Variants in FLNB observed in about 807,000 individuals in gnomAD.
The protein encoded by FLNB is filamin-B.
In FLNB, 111 loss-of-function variants were observed where a neutral mutation model predicts 250.6. The ratio of observed to expected loss-of-function variants is 0.44; its 90% CI spans 0.38 to 0.52. FLNB has a LOEUF of 0.52. Ranked by LOEUF, FLNB falls within the 20% of genes least tolerant of loss-of-function variation. The pLI is 0.00. For missense variants in FLNB, 2,869 were observed against 3,447.8 expected (o/e 0.83, Z 4.20); for synonymous variants, 1,302 against 1,372.1 (o/e 0.95, Z 1.13).
At chr3:58,155,182 TCCA>T (rs2107294549) in intron 40 of FLNB, among the ~76,000 whole-genome samples, 1 of 152,354 alleles carries the variant, frequency 6.6e-6, no homozygotes, top group African/African-American at 2.4e-5. Flanking sequence ...CTCCATTCTT[TCCA>T]CCAACCAGCC....
In FLNB at chr3:58,110,032, G is replaced by C. The variant is rs778522254; in HGVS notation, c.2346G>C (p.Lys782Asn). ...AGEGDVSVGIKCDARVLSEDE... is the reference protein window; with the variant it reads ...AGEGDVSVGINCDARVLSEDE... Reference sequence around the variant, plus strand: ...CAGGTGATGTCAGTGTTGGCATTAAGTGTGATGCCCGGGTGTTAAGTGAAG... The same window carrying C: ...CAGGTGATGTCAGTGTTGGCATTAACTGTGATGCCCGGGTGTTAAGTGAAG... Residue 782 changes from lysine to asparagine, a missense_variant, in exon 16 of 46, where the codon AAG (lysine) becomes AAC (asparagine). This residue lies in a region of FLNB where 1,348 missense variants were observed against 1,466.7 expected (regional missense o/e 0.92). Coordinates refer to ENST00000295956, the MANE Select transcript of FLNB (RefSeq NM_001457.4). The C allele has an allele frequency of 1.1e-5, 18 of 1,614,076 alleles. No individual in the cohort carries two copies. Among genetic ancestry groups the C allele is most frequent in the Non-Finnish European group, 1.5e-5 (18 of 1,180,024 alleles).
At chr3:58,061,690 G>C (rs1431891214) in intron 1 of FLNB, among the ~76,000 whole-genome samples, 1 of 150,534 alleles carries the variant, frequency 6.6e-6, no homozygotes, top group African/African-American at 2.5e-5. Context: ...AGTGAGCCGT[G>C]ATTGCACCAC....
At chr3:58,056,097 ATTTATTTATTTT>A (rs1398730985) in intron 1 of FLNB, among the ~76,000 whole-genome samples, 51 of 131,518 alleles carry the variant, frequency 3.9e-4, no homozygotes, top group South Asian at 8.7e-4. Flanking sequence ...TTATTTATTT[ATTTATTTATTTT>A]TTTTTTTTTT....
intron 32 of FLNB, 137 bp from the exon 33 acceptor site, chr3:58,145,784 T>A: frequency 1.0e-6 from 1 of 996,004 alleles, no homozygotes; most frequent in South Asian, 1.3e-5. Flanking sequence ...TGCATGTGCA[T>A]CTCCTTCTGT....
intron 4 of FLNB, among the ~76,000 whole-genome samples, chr3:58,093,113 G>A (rs1218832626): frequency 6.6e-6 from 1 of 152,188 alleles, no homozygotes; most frequent in East Asian, 1.9e-4. Flanking sequence ...CTCATGTTAT[G>A]TTATTTGCTA....
At chr3:58,097,161 A>G (rs2097240354) in intron 6 of FLNB, among the ~76,000 whole-genome samples, 1 of 152,100 alleles carries the variant, frequency 6.6e-6, no homozygotes, top group African/African-American at 2.4e-5. Flanking sequence ...TACAGACTGT[A>G]CTCACCACCT....
At chr3:58,047,808 C>T (rs952367377) in intron 1 of FLNB, among the ~76,000 whole-genome samples, 8 of 152,136 alleles carry the variant, frequency 5.3e-5, no homozygotes, top group African/African-American at 1.9e-4. Flanking sequence ...AAGTGATCCT[C>T]CTGCCTCAGC....
rs115709646 is a variant in FLNB, at chr3:58,022,472, A to G, written c.292+13616A>G. On this transcript the variant is annotated intron_variant, in intron 1 of 45. Coordinates refer to ENST00000295956, the MANE Select transcript of FLNB (RefSeq NM_001457.4). ...TGATTTGCTTCAACAACTGTTAGAG[A>G]ACAAGGCCTTTTCCAGGTGAAGCTC... is the stretch of plus-strand genomic sequence containing the variant. Among the ~76,000 whole-genome samples the G allele has an allele frequency of 5.0e-3, 766 of 152,344 alleles. 8 individuals are homozygous for G. The highest frequency in any genetic ancestry group is 0.018 in the African/African-American group (728 of 41,574).
intron 4 of FLNB, among the ~76,000 whole-genome samples, chr3:58,088,038 C>CTTTT (rs56009116): frequency 3.9e-4 from 33 of 84,502 alleles, no homozygotes; most frequent in Non-Finnish European, 6.2e-4. Context: ...GGCGCCCAGC[C>CTTTT]TTTTTTTTTT....
chr3:58,092,918 G>A (rs1424380759), intron 4 of FLNB, among the ~76,000 whole-genome samples: 5 of 152,206 alleles, frequency 3.3e-5, no homozygotes, highest in Non-Finnish European at 5.9e-5. Context: ...CAACAAGTAG[G>A]TGTCCTATAA....
At chr3:58,133,968 GGT>G (rs1363556222) in intron 26 of FLNB, among the ~76,000 whole-genome samples, 1 of 152,104 alleles carries the variant, frequency 6.6e-6, no homozygotes, top group Non-Finnish European at 1.5e-5. Flanking sequence ...CTTTCCATTT[GGT>G]GACCATGATC....
In FLNB at chr3:58,121,274, T is replaced by C. The variant is rs773833425; in HGVS notation, c.2897T>C (p.Val966Ala). Reference sequence around the variant, plus strand: ...GTTGGGAAGGATCAGGAGTTCACCGTTGATACCAGGGGGGCAGGAGGCCAG... The same window carrying C: ...GTTGGGAAGGATCAGGAGTTCACCGCTGATACCAGGGGGGCAGGAGGCCAG... ...VEVGKDQEFTVDTRGAGGQGK... is the reference protein window; with the variant it reads ...VEVGKDQEFTADTRGAGGQGK... Residue 966 changes from valine (V) to alanine (A), a missense_variant, in exon 20 of 46, where the codon GTT (valine) becomes GCT (alanine). Transcript: ENST00000295956. 1.9e-6 allele frequency: 3 copies of C among 1,614,180 alleles called. No homozygotes were observed. In the South Asian group the frequency reaches 3.3e-5, roughly 18 times the overall value.
At chr3:58,070,410 T>C (rs1312496064) in intron 1 of FLNB, among the ~76,000 whole-genome samples, 2 of 152,174 alleles carry the variant, frequency 1.3e-5, no homozygotes, top group Non-Finnish European at 2.9e-5. Flanking sequence ...ACCATGGCCA[T>C]TTCTATTTGG....
intron 1 of FLNB, among the ~76,000 whole-genome samples, chr3:58,050,344 AG>A (rs1356867342): frequency 6.6e-6 from 1 of 152,160 alleles, no homozygotes; most frequent in Non-Finnish European, 1.5e-5. Flanking sequence ...TCATTTTTAA[AG>A]GGTAATTTGC....
intron 1 of FLNB, among the ~76,000 whole-genome samples, chr3:58,040,959 A>T (rs1177714823): frequency 6.6e-6 from 1 of 152,188 alleles, no homozygotes; most frequent in Non-Finnish European, 1.5e-5. Flanking sequence ...ATAGAAACTT[A>T]ATTAGACTAT....
rs779308430 is a variant in FLNB at position 58,008,515 on chromosome 3, AC to A, written c.-49del. On this transcript the variant is annotated 5_prime_UTR_variant, in exon 1 of 46. Coordinates refer to ENST00000295956, the MANE Select transcript of FLNB (RefSeq NM_001457.4). Reference sequence around the variant, plus strand: ...GCTCCTTCGGCCCTTGGGCCTCCAAACACCAGTCCCCGGCAGCTCGTTGCGC... The same window carrying A: ...GCTCCTTCGGCCCTTGGGCCTCCAAAACCAGTCCCCGGCAGCTCGTTGCGC... 12 of 1,551,720 alleles carry A rather than the reference AC, an allele frequency of 7.7e-6. No homozygotes were observed. The South Asian group carries it at 1.4e-4, about 18-fold the overall frequency.
At chr3:58,039,607 A>G (rs937540716) in intron 1 of FLNB, among the ~76,000 whole-genome samples, 1 of 152,200 alleles carries the variant, frequency 6.6e-6, no homozygotes. Context: ...CAAGAACTAC[A>G]ATGACTAGAA....
Position 58,146,890 on chromosome 3 carries a change from A to G in FLNB, c.5625A>G (p.Thr1875=). Residue 1875 remains threonine (T), a synonymous_variant, in exon 34 of 46, where the codon ACA becomes ACG. Coordinates refer to ENST00000295956, the MANE Select transcript of FLNB (RefSeq NM_001457.4). ...GCTGCATTGACAATAAAGATGGGAC[A>G]TGCACAGTGACCTACCTGCCGACTC... is the stretch of plus-strand genomic sequence containing the variant. ...EISCIDNKDG[T]CTVTYLPTLP... 6.2e-7 allele frequency: 1 copy of G among 1,614,234 alleles called. No individual in the cohort carries two copies. The highest frequency in any genetic ancestry group is 2.2e-5 in the East Asian group (1 of 44,886).
chr3:58,098,020 TC>T (rs2097242174), intron 7 of FLNB, 43 bp downstream of exon 7: 8 of 1,603,318 alleles, frequency 5.0e-6, no homozygotes, highest in Non-Finnish European at 6.8e-6. Context: ...TGCGCTTTCT[TC>T]CAGAGGCTGA....
Sources: allele counts gnomAD v4.1 joint callset (sites outside exome capture counted in the v4.1 genomes callset), GRCh38; gene constraint gnomAD v4.1.1; regional missense constraint gnomAD v4.1.1; transcripts MANE v1.5; gene names NCBI Gene and HGNC (gene_info 2026-07-23, HGNC 2026-07-21).